MORC1: variants seen among roughly 807,000 people sequenced by gnomAD.
The protein encoded by MORC1 is MORC family CW-type zinc finger 1, also known as MORC family CW-type zinc finger protein 1.
In MORC1, 59 loss-of-function variants were observed where a neutral mutation model predicts 134.9. The ratio of observed to expected loss-of-function variants is 0.44; its 90% CI spans 0.35 to 0.54. The LOEUF (loss-of-function observed/expected upper bound fraction) is 0.54, where lower values mean the gene tolerates loss of function less well. MORC1 is among the 20% of genes least tolerant of loss of function. The probability of loss-of-function intolerance (pLI) is 0.00; values close to 1 mark genes in which losing one functional copy is unlikely to be tolerated. For synonymous variants in MORC1, 395 were observed against 391.7 expected (o/e 1.01, Z -0.10); for missense variants, 947 against 1,134.5 (o/e 0.83, Z 2.37).
At chr3:109,009,197 G>A (rs975231219) in intron 17 of MORC1, among the ~76,000 whole-genome samples, 5 of 133,810 alleles carry the variant, frequency 3.7e-5, no homozygotes, top group South Asian at 4.8e-4. Context: ...CTATTTTTAC[G>A]TTTTTTGTTG....
chr3:109,077,387 A>C (rs1422838408), intron 8 of MORC1, among the ~76,000 whole-genome samples: 2 of 152,212 alleles, frequency 1.3e-5, no homozygotes, highest in South Asian at 2.1e-4. Flanking sequence ...TGTGTAATTA[A>C]AATCCTACAA....
intron 17 of MORC1, among the ~76,000 whole-genome samples, chr3:109,010,473 T>C (rs1219824394): frequency 6.6e-6 from 1 of 152,212 alleles, no homozygotes; most frequent in Admixed American, 6.5e-5. Context: ...AATGTGTATG[T>C]TTAATTTCCT....
chr3:109,116,699 G>A (rs1222019757), intron 1 of MORC1, among the ~76,000 whole-genome samples: 1 of 152,186 alleles, frequency 6.6e-6, no homozygotes, highest in Non-Finnish European at 1.5e-5. Context: ...AGGATCACTT[G>A]AGCCCTGGAG....
At position 108,958,952 on chromosome 3, in the gene MORC1, T is replaced by C; in HGVS notation, c.*13A>G. On this transcript the variant is annotated 3_prime_UTR_variant, in exon 28 of 28. Coordinates refer to ENST00000232603, the MANE Select transcript of MORC1 (RefSeq NM_014429.4). ...CTTATTAGCATTTTTTAAAAGGTAA[T>C]ACCATCTCTGACTTAATTTTCCGAA... 6.8e-7 allele frequency: 1 copy of C among 1,473,268 alleles called. No individual in the cohort carries two copies. The highest frequency in any genetic ancestry group is 9.0e-7 in the Non-Finnish European group (1 of 1,110,952). The allele number at this position is 1,473,268 out of a possible 1,614,324, so 91.3% of individuals were successfully genotyped here.
chr3:109,114,314 T>C (rs1951227328), intron 2 of MORC1, 70 bp downstream of exon 2: 4 of 1,309,682 alleles, frequency 3.1e-6, no homozygotes, highest in East Asian at 2.5e-5. Context: ...CTTTTTATCT[T>C]CCCATGTAAT....
intron 8 of MORC1, among the ~76,000 whole-genome samples, chr3:109,091,677 C>T (rs4555525): frequency 0.43 from 64,816 of 151,798 alleles, 15,511 homozygotes; most frequent in East Asian, 0.88. Context: ...TGAAATATAT[C>T]GCGTCCTCAG....
At chr3:108,966,590 A>C (rs1947226671) in intron 26 of MORC1, among the ~76,000 whole-genome samples, 1 of 152,176 alleles carries the variant, frequency 6.6e-6, no homozygotes, top group South Asian at 2.1e-4. Flanking sequence ...AATATAATAA[A>C]CTATTATAAG....
intron 4 of MORC1, among the ~76,000 whole-genome samples, chr3:109,101,062 A>G (rs925243993): frequency 2.6e-5 from 4 of 152,338 alleles, no homozygotes; most frequent in Non-Finnish European, 4.4e-5. Context: ...GTAGAGTTTA[A>G]AAGTCTGAGC....
chr3:109,069,803 C>T (rs1950277303), intron 8 of MORC1, 46 bp from the exon 9 acceptor site: 1 of 1,539,156 alleles, frequency 6.5e-7, no homozygotes. Flanking sequence ...GACACAACAA[C>T]TACATCTCTT....
chr3:109,096,979 G>A (rs1950842177), intron 6 of MORC1, among the ~76,000 whole-genome samples: 1 of 152,034 alleles, frequency 6.6e-6, no homozygotes, highest in South Asian at 2.1e-4. Flanking sequence ...AGTTACAAAA[G>A]GATAGAAAAG....
intron 14 of MORC1, among the ~76,000 whole-genome samples, chr3:109,040,054 T>C (rs935343957): frequency 2.6e-5 from 4 of 151,768 alleles, no homozygotes; most frequent in Non-Finnish European, 5.9e-5. Flanking sequence ...AAACCTTAAG[T>C]GTATAGCTCA....
At chr3:109,102,049 A>G (rs1272930968) in intron 4 of MORC1, among the ~76,000 whole-genome samples, 2 of 152,226 alleles carry the variant, frequency 1.3e-5, no homozygotes, top group East Asian at 1.9e-4. Context: ...TAGGAGAAAC[A>G]GATTGAAAGT....
intron 11 of MORC1, 126 bp downstream of exon 11, chr3:109,061,862 C>T (rs957479465): frequency 1.7e-4 from 149 of 873,552 alleles, no homozygotes; most frequent in Middle Eastern, 5.5e-4. Context: ...TTAAAATCAA[C>T]TTAATCTTCT....
intron 3 of MORC1, among the ~76,000 whole-genome samples, chr3:109,106,639 G>A (rs142138015): frequency 1.3e-5 from 2 of 152,148 alleles, no homozygotes; most frequent in Non-Finnish European, 2.9e-5. Context: ...TCAAAACCTC[G>A]GATCATCATT....
intron 21 of MORC1, among the ~76,000 whole-genome samples, chr3:108,991,535 A>T (rs1032678643): frequency 2.0e-5 from 3 of 152,194 alleles, no homozygotes; most frequent in African/African-American, 7.2e-5. Flanking sequence ...TGATCTTCAT[A>T]GCCTTCTATG....
chr3:109,071,346 T>C (rs558556441), intron 8 of MORC1, among the ~76,000 whole-genome samples: 2 of 152,286 alleles, frequency 1.3e-5, no homozygotes, highest in Admixed American at 1.3e-4. Context: ...TATGTGTGTA[T>C]ATATATACAT....
intron 23 of MORC1, among the ~76,000 whole-genome samples, chr3:108,983,467 T>C (rs1947808018): frequency 6.6e-6 from 1 of 152,170 alleles, no homozygotes; most frequent in African/African-American, 2.4e-5. Flanking sequence ...GATAAAAGTG[T>C]GACTTGTCAG....
At chr3:109,013,635 T>G (rs1055762147) in intron 17 of MORC1, among the ~76,000 whole-genome samples, 1 of 152,198 alleles carries the variant, frequency 6.6e-6, no homozygotes, top group Non-Finnish European at 1.5e-5. Context: ...TTCCTTAGAT[T>G]TCTCTTCTAT....
intron 4 of MORC1, among the ~76,000 whole-genome samples, chr3:109,101,115 T>C (rs1014130051): frequency 2.6e-5 from 4 of 152,222 alleles, no homozygotes; most frequent in African/African-American, 7.2e-5. Flanking sequence ...GTAATACTTA[T>C]ATCACGGTGT....
Sources: allele counts gnomAD v4.1 joint callset (sites outside exome capture counted in the v4.1 genomes callset), GRCh38; gene constraint gnomAD v4.1.1; transcripts MANE v1.5; gene names NCBI Gene and HGNC (gene_info 2026-07-23, HGNC 2026-07-21).